The following AGAP1 variants were observed in gnomAD, a reference collection of about 807,000 sequenced individuals.
The protein encoded by AGAP1 is arf-GAP with GTPase, ANK repeat and PH domain-containing protein 1.
AGAP1 carries 29 observed loss-of-function variants against 105.3 expected under a neutral mutation model. The ratio of observed to expected loss-of-function variants is 0.28; its 90% CI spans 0.21 to 0.38. The LOEUF (loss-of-function observed/expected upper bound fraction) is 0.38, where lower values mean the gene tolerates loss of function less well. Ranked by LOEUF, AGAP1 falls within the 10% of genes least tolerant of loss-of-function variation. The pLI, the probability that AGAP1 is intolerant of heterozygous loss-of-function variation, is 1.00. For missense variants in AGAP1, 998 were observed against 1,165.1 expected (o/e 0.86, Z 2.09); for synonymous variants, 509 against 485.9 (o/e 1.05, Z -0.63).
rs1949668691 is a variant in AGAP1 at position 235,690,119 on chromosome 2, G to A, written c.164-19060G>A. Among the ~76,000 whole-genome samples, 1 of 151,984 alleles carries A rather than the reference G, an allele frequency of 6.6e-6. No homozygotes were observed. On this transcript the variant is annotated intron_variant, in intron 1 of 17. Transcript: ENST00000304032. The surrounding 1 kb of genome is among the most constrained non-coding windows in gnomAD (Gnocchi z 4.1). The stretch of plus-strand genomic sequence containing the variant: ...ACACTCTCTTCTCCCCAGGTGCTGA[G>A]TCCCCAGGTTCCCCTCTCCCCCTAC...
chr2:235,639,741 A>T lies in AGAP1; in HGVS notation c.164-69438A>T, dbSNP rs1947128285. Reference sequence around the variant, plus strand: ...TGCATCTCGTGTTCTCAAAATCAGCACATGCCATCCCACATTCTAGACCAT... The same window carrying T: ...TGCATCTCGTGTTCTCAAAATCAGCTCATGCCATCCCACATTCTAGACCAT... On this transcript the variant is annotated intron_variant, in intron 1 of 17. Coordinates refer to ENST00000304032, the MANE Select transcript of AGAP1 (RefSeq NM_001037131.3). The surrounding 1 kb of genome is among the most constrained non-coding windows in gnomAD (Gnocchi z 5.3). Among the ~76,000 whole-genome samples the T allele has an allele frequency of 6.6e-6, 1 of 152,176 alleles. No individual in the cohort carries two copies. The highest frequency in any genetic ancestry group is 1.9e-4 in the East Asian group (1 of 5,188).
chr2:236,071,117 C>T (rs2058483809), intron 16 of AGAP1, among the ~76,000 whole-genome samples: 1 of 152,246 alleles, frequency 6.6e-6, no homozygotes, highest in African/African-American at 2.4e-5. Context: ...AAGATGGGAA[C>T]CACCTGCCCA....
At chr2:235,814,498 A>G (rs1382480230) in intron 9 of AGAP1, among the ~76,000 whole-genome samples, 3 of 152,196 alleles carry the variant, frequency 2.0e-5, no homozygotes, top group Non-Finnish European at 4.4e-5. Flanking sequence ...ATCAACTAGT[A>G]ACAATTGTTC....
intron 1 of AGAP1, among the ~76,000 whole-genome samples, chr2:235,628,041 C>T (rs1946699549): frequency 6.6e-6 from 1 of 152,106 alleles, no homozygotes; most frequent in South Asian, 2.1e-4. Flanking sequence ...GCCCCCCATG[C>T]ACTTACTGGG....
rs1358456515 is a variant in AGAP1, at chr2:235,957,843, G to C, written c.1484-10619G>C. Among the ~76,000 whole-genome samples the C allele has an allele frequency of 6.6e-6, 1 of 152,160 alleles. No homozygotes were observed. The highest frequency in any genetic ancestry group is 6.5e-5 in the Admixed American group (1 of 15,274). On this transcript the variant is annotated intron_variant, in intron 12 of 17. Coordinates refer to ENST00000304032, the MANE Select transcript of AGAP1 (RefSeq NM_001037131.3). The surrounding 1 kb of genome is among the most constrained non-coding windows in gnomAD (Gnocchi z 4.6). The stretch of plus-strand genomic sequence containing the variant: ...CGACTTCATCTTGAGTTCACAGGGG[G>C]CTTCAGCCCTCAACTGATTTCCTCT...
chr2:235,530,103 G>A (rs990893153), intron 1 of AGAP1, among the ~76,000 whole-genome samples: 30 of 152,098 alleles, frequency 2.0e-4, no homozygotes, highest in African/African-American at 6.5e-4. Context: ...GACAAGTCTC[G>A]TACCTCTGAC....
In AGAP1 at chr2:235,734,828, C is replaced by T. The variant is rs891133032; in HGVS notation, c.311-6135C>T. 4.6e-5 allele frequency among the ~76,000 whole-genome samples: 7 copies of T among 152,308 alleles called. No individual in the cohort carries two copies. Among genetic ancestry groups the T allele is most frequent in the African/African-American group, 7.2e-5 (3 of 41,568 alleles). ...AGAAGTTCACATGGAAGAGAGGAGG[C>T]GTAAGAAGCAGTCAGAACGTCTGGA... is the stretch of plus-strand genomic sequence containing the variant. On this transcript the variant is annotated intron_variant, in intron 3 of 17. Coordinates refer to ENST00000304032, the MANE Select transcript of AGAP1 (RefSeq NM_001037131.3). This position sits in a 1 kb window ranked among gnomAD's most constrained non-coding sequence, Gnocchi z 5.3.
Position 236,129,108 on chromosome 2 carries a change from T to C in AGAP1, c.*4986T>C, listed in dbSNP as rs1443167515. On this transcript the variant is annotated 3_prime_UTR_variant, in exon 18 of 18. Coordinates refer to ENST00000304032, the MANE Select transcript of AGAP1 (RefSeq NM_001037131.3). This position sits in a 1 kb window ranked among gnomAD's most constrained non-coding sequence, Gnocchi z 6.2. ...TTCCCCAAAAAGCTAAATAAGGGCC[T>C]TTGGCATCAATGCGTGCATTCTCCA... 6.6e-6 allele frequency: 1 copy of C among 152,244 alleles called. No homozygotes were observed. Among genetic ancestry groups the C allele is most frequent in the South Asian group, 2.1e-4 (1 of 4,834 alleles). 9.4% of individuals were successfully genotyped at this position (152,244 alleles called of 1,614,324 possible). A position where few individuals can be genotyped will look rare whatever the true frequency, so the allele number is the denominator to read the frequency against.
chr2:235,883,770 T>G lies in AGAP1; in HGVS notation c.1155+321T>G, dbSNP rs1470164521. 6.6e-6 allele frequency among the ~76,000 whole-genome samples: 1 copy of G among 151,866 alleles called. No homozygotes were observed. The highest frequency in any genetic ancestry group is 1.9e-4 in the East Asian group (1 of 5,176). On this transcript the variant is annotated intron_variant, in intron 10 of 17. Transcript: ENST00000304032. The surrounding 1 kb of genome is among the most constrained non-coding windows in gnomAD (Gnocchi z 4.5). ...GGAGAAAAGAGAAAGGAGAGAAGAGTGGTCTATCTGAAAATCGAGAATGAA... is the reference window on the plus strand; with the variant it reads ...GGAGAAAAGAGAAAGGAGAGAAGAGGGGTCTATCTGAAAATCGAGAATGAA...
rs35278826 is a variant in AGAP1 at position 235,968,422 on chromosome 2, ATTT to A, written c.1484-25_1484-23del. 4,710 of 1,428,880 alleles carry A rather than the reference ATTT, an allele frequency of 3.3e-3. 3 individuals are homozygous for A. The highest frequency in any genetic ancestry group is 0.019 in the African/African-American group (1,134 of 61,190). 88.5% of individuals were successfully genotyped at this position (1,428,880 alleles called of 1,614,324 possible). On this transcript the variant is annotated intron_variant, in intron 12 of 17. Coordinates refer to ENST00000304032, the MANE Select transcript of AGAP1 (RefSeq NM_001037131.3). ...TCTGCTTTGTAAGTGCTCACTCTGC[ATTT>A]TTTTTTTTTTTTTTGCCTTTTCCGG... is the stretch of plus-strand genomic sequence containing the variant.
intron 1 of AGAP1, among the ~76,000 whole-genome samples, chr2:235,686,707 G>A (rs2149424282): frequency 7.2e-6 from 1 of 139,628 alleles, no homozygotes; most frequent in Admixed American, 7.5e-5. Context: ...TGAAGCCCAG[G>A]ATGGAGCGCA....
Position 235,582,064 on chromosome 2 carries a change from A to C in AGAP1, c.163+87215A>C, listed in dbSNP as rs1574897688. Among the ~76,000 whole-genome samples the C allele has an allele frequency of 3.3e-5, 5 of 152,282 alleles. No homozygotes were observed. Among genetic ancestry groups the C allele is most frequent in the Admixed American group, 3.3e-4 (5 of 15,300 alleles). The stretch of plus-strand genomic sequence containing the variant: ...TTAGGAGACATGAAATGTTCCTTCC[A>C]TCCAGGGAAGACGTGATTGCAGCAG... On this transcript the variant is annotated intron_variant, in intron 1 of 17. Transcript: ENST00000304032. The surrounding 1 kb of genome is among the most constrained non-coding windows in gnomAD (Gnocchi z 4.7).
intron 12 of AGAP1, among the ~76,000 whole-genome samples, chr2:235,944,402 G>A (rs972810756): frequency 2.0e-5 from 3 of 152,168 alleles, no homozygotes; most frequent in African/African-American, 7.2e-5. Context: ...TAGATAAATA[G>A]TCCTTTGCTG....
At chr2:235,677,873 G>GTTTCTGCC (rs2149385720) in intron 1 of AGAP1, among the ~76,000 whole-genome samples, 1 of 115,064 alleles carries the variant, frequency 8.7e-6, no homozygotes, top group East Asian at 2.7e-4. Flanking sequence ...TATTTATCCA[G>GTTTCTGCC]TTTCTGCCTT....
Position 235,992,571 on chromosome 2 carries a change from C to T in AGAP1, c.1645+23948C>T, listed in dbSNP as rs188341033. 9.2e-5 allele frequency among the ~76,000 whole-genome samples: 14 copies of T among 152,308 alleles called. No homozygotes were observed. The East Asian group carries it at 2.5e-3, about 27-fold the overall frequency. ...TTTATTGACTCACCTAAGAAAGGCT[C>T]GGGGACACTGTTGTGTTCTGATGTA... On this transcript the variant is annotated intron_variant, in intron 13 of 17. Transcript: ENST00000304032. This position sits in a 1 kb window ranked among gnomAD's most constrained non-coding sequence, Gnocchi z 4.8.
At chr2:235,528,275 G>A (rs1052412731) in intron 1 of AGAP1, among the ~76,000 whole-genome samples, 1 of 151,628 alleles carries the variant, frequency 6.6e-6, no homozygotes, top group African/African-American at 2.4e-5. Flanking sequence ...CCTGAGCCAT[G>A]CCAGGCTGCT....
At chr2:235,675,019 T>G (rs1261755127) in intron 1 of AGAP1, among the ~76,000 whole-genome samples, 1 of 151,656 alleles carries the variant, frequency 6.6e-6, no homozygotes, top group African/African-American at 2.4e-5. Context: ...TTTAAACCAT[T>G]TATATTTTTA....
At chr2:235,910,857 G>A (rs886780373) in intron 11 of AGAP1, among the ~76,000 whole-genome samples, 2 of 151,712 alleles carry the variant, frequency 1.3e-5, no homozygotes, top group Non-Finnish European at 2.9e-5. Context: ...GTGGAGTGCA[G>A]TGAGCCGAGA....
At chr2:235,709,151 T>A in intron 1 of AGAP1, 28 bp from the exon 2 acceptor site, 1 of 1,613,188 alleles carries the variant, frequency 6.2e-7, no homozygotes, top group Non-Finnish European at 8.5e-7. Flanking sequence ...AGTTATGGTG[T>A]CTGACTTTGT....
Sources: allele counts gnomAD v4.1 joint callset (sites outside exome capture counted in the v4.1 genomes callset), GRCh38; gene constraint gnomAD v4.1.1; non-coding constraint Gnocchi (gnomAD v3.1); transcripts MANE v1.5; gene names NCBI Gene and HGNC (gene_info 2026-07-23, HGNC 2026-07-21).